Variants in BRMS1 observed in about 807,000 individuals in gnomAD.
The protein encoded by BRMS1 is breast cancer metastasis-suppressor 1.
Under a neutral mutation model 40.4 loss-of-function variants are expected in BRMS1, and 26 were observed. The ratio of observed to expected loss-of-function variants is 0.64; its 90% CI spans 0.47 to 0.89. The LOEUF is 0.89. Among genes scored for constraint, BRMS1 ranks in the 40% least tolerant of loss-of-function variants. The pLI is 0.00. For missense variants in BRMS1, 289 were observed against 309.4 expected, an observed-to-expected ratio of 0.93 and a Z score of 0.49; for synonymous variants, 103 against 116.0, an observed-to-expected ratio of 0.89 and a Z score of 0.72.
rs757278464 is a variant in BRMS1 at position 66,341,305 on chromosome 11, G to T, written c.259C>A (p.Arg87=). The change falls in exon 4 of 10, where the codon CGG becomes AGG. Residue 87 remains arginine, a synonymous_variant. Transcript: ENST00000359957. This position sits in a 1 kb window ranked among gnomAD's most constrained non-coding sequence, Gnocchi z 4.9. ...KLFRERLSQL[R]LRLEEVGAER... ...GCCCCCACTTCCTCCAGCCGCAACC[G>T]CAGCTGACTCAGTCGTTCCCTGAAC... is the stretch of plus-strand genomic sequence containing the variant. The T allele has an allele frequency of 6.2e-7, 1 of 1,613,320 alleles. No homozygotes were observed. Among genetic ancestry groups the T allele is most frequent in the Admixed American group, 1.7e-5 (1 of 60,004 alleles).
chr11:66,342,344 A>G, intron 1 of BRMS1, 103 bp from the exon 2 acceptor site: 1 of 1,494,932 alleles, frequency 6.7e-7, no homozygotes, highest in South Asian at 1.2e-5. Flanking sequence ...GGGGAAAGCC[A>G]GGGAAGTAAC....
At chr11:66,338,159 C>A in intron 9 of BRMS1, 84 bp downstream of exon 9, 1 of 1,552,300 alleles carries the variant, frequency 6.4e-7, no homozygotes, top group East Asian at 2.3e-5. Context: ...CACAGCCTTT[C>A]TCTGGGCTCC....
At chr11:66,343,217 G>T (rs976189988) in intron 1 of BRMS1, among the ~76,000 whole-genome samples, 1 of 152,200 alleles carries the variant, frequency 6.6e-6, no homozygotes, top group Non-Finnish European at 1.5e-5. Flanking sequence ...AATCTCAGCT[G>T]AAACTGATCC....
chr11:66,338,279 T>C lies in BRMS1; in HGVS notation c.697A>G (p.Arg233Gly), dbSNP rs1218172694. The part of the protein sequence containing the change: ...LEDWTAIKKA[R>G]AAVSPQKRKS... ...CTCTTCTGAGGGGACACAGCTGCCCTAGCCTGGGTGGGTGAGAAGAAAAGC... is the reference window on the plus strand; with the variant it reads ...CTCTTCTGAGGGGACACAGCTGCCCCAGCCTGGGTGGGTGAGAAGAAAAGC... The change falls in exon 9 of 10, where the codon AGG becomes GGG. Residue 233 changes from arginine (R) to glycine (G), a missense_variant. Transcript: ENST00000359957. 6.2e-7 allele frequency: 1 copy of C among 1,609,898 alleles called. No individual in the cohort carries two copies. The highest frequency in any genetic ancestry group is 8.5e-7 in the Non-Finnish European group (1 of 1,177,936).
chr11:66,341,839 G>A lies in BRMS1; in HGVS notation c.140-216C>T, dbSNP rs886906238. ...ATATGCGTGCGTGCTTGTGTGAAGG[G>A]GCTGTGTGCACGTGTACTTGTGTGA... On this transcript the variant is annotated intron_variant, in intron 2 of 9. Transcript: ENST00000359957. The surrounding 1 kb of genome is among the most constrained non-coding windows in gnomAD (Gnocchi z 4.9). 9.0e-6 allele frequency: 6 copies of A among 667,188 alleles called. No homozygotes were observed. The highest frequency in any genetic ancestry group is 1.1e-5 in the Non-Finnish European group (4 of 373,304). The allele number at this position is 667,188 out of a possible 1,614,324, so 41.3% of individuals were successfully genotyped here.
Position 66,339,590 on chromosome 11 carries a change from G to A in BRMS1, c.628+531C>T, listed in dbSNP as rs572449015. Among the ~76,000 whole-genome samples the A allele has an allele frequency of 5.3e-5, 8 of 152,250 alleles. No individual in the cohort carries two copies. The South Asian group carries it at 1.5e-3, about 28-fold the overall frequency. ...GCTCCCCAGGGAAAGCTGGGGACCC[G>A]CTCGGACAACCCCGGGAGATGGAAA... On this transcript the variant is annotated intron_variant, in intron 7 of 9. Transcript: ENST00000359957.
rs142560218 is a variant in BRMS1 at position 66,339,067 on chromosome 11, C to T, written c.629-282G>A. ...GCCCATCCCATCTCACTCTGCAGCACTGGCCCTAACCTGGCCCCTTCCCTG... is the reference window on the plus strand; with the variant it reads ...GCCCATCCCATCTCACTCTGCAGCATTGGCCCTAACCTGGCCCCTTCCCTG... On this transcript the variant is annotated intron_variant, in intron 7 of 9. Coordinates refer to ENST00000359957, the MANE Select transcript of BRMS1 (RefSeq NM_015399.4). Among the ~76,000 whole-genome samples, 1,215 of 152,322 alleles carry T rather than the reference C, an allele frequency of 8.0e-3. 6 individuals are homozygous for T. The highest frequency in any genetic ancestry group is 0.013 in the Non-Finnish European group (907 of 68,018).
At position 66,340,798 on chromosome 11, in the gene BRMS1, G is replaced by A. The variant is rs751370154; in HGVS notation, c.511C>T (p.Arg171Cys). Residue 171 changes from arginine (R) to cysteine (C), a missense_variant, in exon 6 of 10, where the codon CGC becomes TGC. Arg to Cys is a radical substitution (Grantham distance 180). Coordinates refer to ENST00000359957, the MANE Select transcript of BRMS1 (RefSeq NM_015399.4). Reference sequence around the variant, plus strand: ...CCAGAGCTGAGGTCCAGGCTCTGGCGGTCCTCCTCCAGCCTCTGGATCCGC... The same window carrying A: ...CCAGAGCTGAGGTCCAGGCTCTGGCAGTCCTCCTCCAGCCTCTGGATCCGC... ...QERIQRLEED[R>C]QSLDLSSEWW... is the part of the protein sequence containing the mutation. 26 of 1,612,900 alleles carry A rather than the reference G, an allele frequency of 1.6e-5. No homozygotes were observed. The highest frequency in any genetic ancestry group is 1.7e-4 in the Middle Eastern group (1 of 5,738).
In BRMS1 at chr11:66,341,641, T is replaced by C. The variant is rs1424699646; in HGVS notation, c.140-18A>G. On this transcript the variant is annotated intron_variant, in intron 2 of 9. Coordinates refer to ENST00000359957, the MANE Select transcript of BRMS1 (RefSeq NM_015399.4). This position sits in a 1 kb window ranked among gnomAD's most constrained non-coding sequence, Gnocchi z 4.9. ...ATCCATCTCTGGGACAAGAGGCCAG[T>C]AAGGGCTAGCTCTGGGGAGGAGTGG... is the stretch of plus-strand genomic sequence containing the variant. The C allele has an allele frequency of 1.9e-6, 3 of 1,611,304 alleles. No homozygotes were observed. The highest frequency in any genetic ancestry group is 1.1e-5 in the South Asian group (1 of 91,020).
chr11:66,338,204 AG>A (rs1171918231), intron 9 of BRMS1, 38 bp downstream of exon 9: 1 of 1,605,514 alleles, frequency 6.2e-7, no homozygotes, highest in South Asian at 1.1e-5. Flanking sequence ...GGTGATGGCA[AG>A]GGGGCAGGGA....
At chr11:66,338,677 G>C (rs1367066803) in intron 8 of BRMS1, 44 bp downstream of exon 8, 1 of 1,613,468 alleles carries the variant, frequency 6.2e-7, no homozygotes. Context: ...CAGGGTGGGG[G>C]GCCCTGAGGT....
chr11:66,339,894 G>T (rs1855026623), intron 7 of BRMS1: 2 of 464,212 alleles, frequency 4.3e-6, no homozygotes, highest in South Asian at 3.6e-5. Context: ...GAGCCACGGA[G>T]CCCAGCCCGT....
intron 7 of BRMS1, 129 bp from the exon 8 acceptor site, chr11:66,338,914 A>T: frequency 1.1e-6 from 1 of 900,744 alleles, no homozygotes; most frequent in Non-Finnish European, 1.7e-6. Context: ...GTCCGAGGTC[A>T]GGTTCCACCT....
rs933990395 is a variant in BRMS1, at chr11:66,338,290, G to A, written c.694-8C>T. ...GGACACAGCTGCCCTAGCCTGGGTG[G>A]GTGAGAAGAAAAGCTCCCCTGAGAG... On this transcript the variant is annotated splice_polypyrimidine_tract_variant and splice_region_variant and intron_variant, in intron 8 of 9. Coordinates refer to ENST00000359957, the MANE Select transcript of BRMS1 (RefSeq NM_015399.4). 1.2e-6 allele frequency: 2 copies of A among 1,607,552 alleles called. No individual in the cohort carries two copies. Among genetic ancestry groups the A allele is most frequent in the African/African-American group, 1.3e-5 (1 of 74,814 alleles).
intron 8 of BRMS1, 189 bp downstream of exon 8, chr11:66,338,532 T>C: frequency 1.4e-6 from 2 of 1,448,576 alleles, no homozygotes; most frequent in Non-Finnish European, 1.8e-6. Flanking sequence ...TGACACAGAC[T>C]AGAAATCCCT....
intron 1 of BRMS1, among the ~76,000 whole-genome samples, chr11:66,343,648 A>G (rs1855135802): frequency 6.6e-6 from 1 of 152,172 alleles, no homozygotes; most frequent in Non-Finnish European, 1.5e-5. Context: ...CAGAAATAAG[A>G]GAAGGAAAGC....
intron 7 of BRMS1, among the ~76,000 whole-genome samples, chr11:66,339,070 G>C (rs1256552361): frequency 2.6e-5 from 4 of 152,132 alleles, no homozygotes; most frequent in Non-Finnish European, 5.9e-5. Flanking sequence ...TGCAGCACTG[G>C]CCCTAACCTG....
chr11:66,341,909 G>T lies in BRMS1; in HGVS notation c.139+187C>A. 1.5e-6 allele frequency: 1 copy of T among 687,192 alleles called. No homozygotes were observed. Among genetic ancestry groups the T allele is most frequent in the Non-Finnish European group, 2.5e-6 (1 of 406,962 alleles). The allele number at this position is 687,192 out of a possible 1,614,324, so 42.6% of individuals were successfully genotyped here. A position where few individuals can be genotyped will look rare whatever the true frequency, so the allele number is the denominator to read the frequency against. On this transcript the variant is annotated intron_variant, in intron 2 of 9. Coordinates refer to ENST00000359957, the MANE Select transcript of BRMS1 (RefSeq NM_015399.4). The surrounding 1 kb of genome is among the most constrained non-coding windows in gnomAD (Gnocchi z 4.9). ...ACGTGCTTGTGTGTAGGGGCTGTGT[G>T]TGCGTGCTTGTGTGTAGGGGCTGTG...
chr11:66,341,720 C>T lies in BRMS1; in HGVS notation c.140-97G>A, dbSNP rs1855082319. 2 of 1,027,890 alleles carry T rather than the reference C, an allele frequency of 1.9e-6. No individual in the cohort carries two copies. The highest frequency in any genetic ancestry group is 1.6e-5 in the African/African-American group (1 of 63,842). The allele number at this position is 1,027,890 out of a possible 1,614,324, so 63.7% of individuals were successfully genotyped here. A position where few individuals can be genotyped will look rare whatever the true frequency, so the allele number is the denominator to read the frequency against. Reference sequence around the variant, plus strand: ...CTGCATGTGTGTGTGTGCATGCATGCCTGTGTGTAGGGCCTGTGTGTGTGT... The same window carrying T: ...CTGCATGTGTGTGTGTGCATGCATGTCTGTGTGTAGGGCCTGTGTGTGTGT... On this transcript the variant is annotated intron_variant, in intron 2 of 9. Coordinates refer to ENST00000359957, the MANE Select transcript of BRMS1 (RefSeq NM_015399.4). The surrounding 1 kb of genome is among the most constrained non-coding windows in gnomAD (Gnocchi z 4.9).
Sources: gnomAD v4.1 joint callset for allele counts (sites outside exome capture counted in the v4.1 genomes callset) on GRCh38, gnomAD v4.1.1 for gene constraint, Gnocchi (gnomAD v3.1) non-coding constraint, MANE v1.5 for transcripts, NCBI Gene and HGNC (gene_info 2026-07-23, HGNC 2026-07-21) for gene names.